Variants in FGD6 observed in about 807,000 individuals in gnomAD.
FGD6 encodes FYVE, RhoGEF and PH domain containing 6.
A neutral mutation model predicts 149.4 loss-of-function variants in FGD6; 90 were observed. That is an observed-to-expected ratio of 0.60 (90% CI 0.51 to 0.72). The LOEUF is 0.72. Among genes scored for constraint, FGD6 ranks in the 30% least tolerant of loss-of-function variants. The pLI is 0.00. For missense variants in FGD6, 1,437 were observed against 1,684.8 expected, an observed-to-expected ratio of 0.85 and a Z score of 2.57; for synonymous variants, 527 against 584.0, an observed-to-expected ratio of 0.90 and a Z score of 1.41.
chr12:95,128,018 T>C (rs1879397863), intron 8 of FGD6, among the ~76,000 whole-genome samples: 1 of 152,012 alleles, frequency 6.6e-6, no homozygotes, highest in African/African-American at 2.4e-5. Flanking sequence ...ATAGCACAGG[T>C]AGATGGAAAA....
rs775520145 is a variant in FGD6 at position 95,211,202 on chromosome 12, G to A, written c.82C>T (p.Pro28Ser). ...ATGTCGGGTTTAGGTGCAATAGGAGGTGGGGCTGGCTTATTATTTGCCACA... is the reference window on the plus strand; with the variant it reads ...ATGTCGGGTTTAGGTGCAATAGGAGATGGGGCTGGCTTATTATTTGCCACA... ...FVVANNKPAP[P>S]PIAPKPDIVI... The change falls in exon 2 of 21, where the codon CCT becomes TCT. Residue 28 changes from proline (P) to serine (S), a missense_variant. Physicochemically the swap from Pro to Ser is moderately conservative, Grantham distance 74 (BLOSUM62 -1). Transcript: ENST00000343958. The A allele has an allele frequency of 6.2e-6, 10 of 1,613,078 alleles. No individual in the cohort carries two copies. Among genetic ancestry groups the A allele is most frequent in the South Asian group, 2.2e-5 (2 of 90,942 alleles).
rs753522495 is a variant in FGD6, at chr12:95,209,831, C to T, written c.1453G>A (p.Val485Ile). ...VSAPQMQKES[V>I]IKEENSLRIV... Reference sequence around the variant, plus strand: ...CGTAGAGAATTTTCCTCTTTTATAACAGATTCCTTTTGCATTTGAGGGGCA... The same window carrying T: ...CGTAGAGAATTTTCCTCTTTTATAATAGATTCCTTTTGCATTTGAGGGGCA... Residue 485 changes from valine to isoleucine, a missense_variant, in exon 2 of 21, where the codon GTT becomes ATT. Around this residue, in one of 2 missense-constraint regions of FGD6, gnomAD observed 1,055 missense variants for 1,146.0 expected, o/e 0.92. Transcript: ENST00000343958. 1 of 1,608,446 alleles carries T rather than the reference C, an allele frequency of 6.2e-7. No homozygotes were observed. Among genetic ancestry groups the T allele is most frequent in the Non-Finnish European group, 8.5e-7 (1 of 1,178,712 alleles).
intron 5 of FGD6, among the ~76,000 whole-genome samples, chr12:95,150,410 GA>G (rs1880276217): frequency 2.9e-5 from 1 of 34,126 alleles, no homozygotes; most frequent in Non-Finnish European, 4.6e-5. Context: ...TCCCATCAGA[GA>G]GCAATAAGAC....
intron 2 of FGD6, among the ~76,000 whole-genome samples, chr12:95,190,172 G>A (rs1881547192): frequency 6.6e-6 from 1 of 152,106 alleles, no homozygotes; most frequent in Admixed American, 6.6e-5. Flanking sequence ...AAGATAAGAT[G>A]TTTTCTTTTG....
At chr12:95,137,729 C>A in intron 6 of FGD6, 51 bp from the exon 7 acceptor site, 3 of 1,345,338 alleles carry the variant, frequency 2.2e-6, no homozygotes, top group South Asian at 3.2e-5. Flanking sequence ...GATTGATGAA[C>A]ATATGCAATG....
At chr12:95,169,204 G>C (rs1204845603) in intron 3 of FGD6, among the ~76,000 whole-genome samples, 1 of 151,998 alleles carries the variant, frequency 6.6e-6, no homozygotes, top group Non-Finnish European at 1.5e-5. Flanking sequence ...ACAAAATCTA[G>C]TATTTGATAG....
Position 95,118,297 on chromosome 12 carries a change from C to T in FGD6, c.3083-4596G>A, listed in dbSNP as rs375869292. On this transcript the variant is annotated intron_variant, in intron 8 of 20. Coordinates refer to ENST00000343958, the MANE Select transcript of FGD6 (RefSeq NM_018351.4). ...TCAGGAGGTGGAGTTTGCAGTGAACCGAGATTGTACCTCTACACTCTAGTC... is the reference window on the plus strand; with the variant it reads ...TCAGGAGGTGGAGTTTGCAGTGAACTGAGATTGTACCTCTACACTCTAGTC... Among the ~76,000 whole-genome samples, 12 of 147,636 alleles carry T rather than the reference C, an allele frequency of 8.1e-5. No homozygotes were observed. In the East Asian group the frequency reaches 1.4e-3, roughly 17 times the overall value.
At chr12:95,134,326 G>A (rs1879605284) in intron 8 of FGD6, among the ~76,000 whole-genome samples, 1 of 152,034 alleles carries the variant, frequency 6.6e-6, no homozygotes, top group African/African-American at 2.4e-5. Flanking sequence ...AACCTTCTGA[G>A]GCAAGTAACT....
intron 8 of FGD6, among the ~76,000 whole-genome samples, chr12:95,133,287 G>A (rs544019327): frequency 1.3e-5 from 2 of 152,230 alleles, no homozygotes; most frequent in South Asian, 2.1e-4. Context: ...GCATGGTGGT[G>A]CACACCTGTA....
chr12:95,085,519 G>C (rs1038647217), intron 19 of FGD6: 1 of 466,512 alleles, frequency 2.1e-6, no homozygotes, highest in Non-Finnish European at 3.7e-6. Context: ...TCTGCCTTTA[G>C]TAAAGTAATT....
intron 2 of FGD6, among the ~76,000 whole-genome samples, chr12:95,180,749 T>C (rs1328378579): frequency 6.6e-6 from 1 of 152,114 alleles, no homozygotes. Flanking sequence ...CGTGCATTTT[T>C]ACTTTTTCAA....
rs768807138 is a variant in FGD6 at position 95,209,175 on chromosome 12, C to T, written c.2109G>A (p.Lys703=). ...TGGTCTGGCCCCGAGACTTCTTCCT[C>T]TTCTTTTGAGATTCCAGGCTATAGT... ...TENYSLESQK[K]RKKSRGQTSA... is the part of the protein sequence containing the mutation. Residue 703 remains lysine, a synonymous_variant, in exon 2 of 21, where the codon AAG becomes AAA. Transcript: ENST00000343958. The T allele has an allele frequency of 2.6e-5, 42 of 1,614,028 alleles. No individual in the cohort carries two copies. Among genetic ancestry groups the T allele is most frequent in the Non-Finnish European group, 3.3e-5 (39 of 1,180,040 alleles).
chr12:95,135,234 C>G (rs1251675081), intron 7 of FGD6, among the ~76,000 whole-genome samples: 1 of 152,194 alleles, frequency 6.6e-6, no homozygotes, highest in East Asian at 1.9e-4. Context: ...GGAAATACAA[C>G]TGCCAGGAAT....
chr12:95,098,867 A>ATTT (rs63204961), intron 14 of FGD6, among the ~76,000 whole-genome samples: 14,167 of 126,594 alleles, frequency 0.11, 979 homozygotes, highest in East Asian at 0.15. Context: ...GGCCCTTTTA[A>ATTT]TTTTTTTTTT....
chr12:95,171,728 G>C (rs1880992702), intron 3 of FGD6, among the ~76,000 whole-genome samples: 1 of 152,056 alleles, frequency 6.6e-6, no homozygotes, highest in Non-Finnish European at 1.5e-5. Context: ...CATTAGCCAG[G>C]ATGGTCTTGA....
chr12:95,099,748 T>G (rs80100960), intron 14 of FGD6, among the ~76,000 whole-genome samples: 8,603 of 152,204 alleles, frequency 0.057, 301 homozygotes, highest in African/African-American at 0.097. Context: ...AAGAAGCCGG[T>G]GTGATCTTTC....
chr12:95,089,835 C>T, intron 17 of FGD6, 139 bp from the exon 18 acceptor site: 1 of 1,078,160 alleles, frequency 9.3e-7, no homozygotes, highest in Non-Finnish European at 1.3e-6. Flanking sequence ...TGGAAAAGGA[C>T]AATGGATGGC....
At position 95,104,769 on chromosome 12, in the gene FGD6, C is replaced by T. The variant is rs188837280; in HGVS notation, c.3497+238G>A. Among the ~76,000 whole-genome samples, 16 of 151,756 alleles carry T rather than the reference C, an allele frequency of 1.1e-4. No homozygotes were observed. In the East Asian group the frequency reaches 3.1e-3, roughly 29 times the overall value. On this transcript the variant is annotated intron_variant, in intron 14 of 20. Transcript: ENST00000343958. ...ACAAAAAAATATTTTTAAAGTTAGC[C>T]GGGTATGGTAGTGCATGCCTGTGGT...
intron 2 of FGD6, among the ~76,000 whole-genome samples, chr12:95,191,225 TG>T (rs1196537559): frequency 2.0e-5 from 3 of 152,228 alleles, no homozygotes; most frequent in African/African-American, 7.2e-5. Context: ...GTGAGAGGAC[TG>T]GTGGAATGGA....
Sources: allele counts gnomAD v4.1 joint callset (sites outside exome capture counted in the v4.1 genomes callset), GRCh38; gene constraint gnomAD v4.1.1; regional missense constraint gnomAD v4.1.1; transcripts MANE v1.5; gene names NCBI Gene and HGNC (gene_info 2026-07-23, HGNC 2026-07-21).